Variants in PIGU observed in about 807,000 individuals in gnomAD.
PIGU encodes GPI-anchor transamidase component PIGU.
In PIGU, 24 loss-of-function variants were observed where a neutral mutation model predicts 49.9. The observed-to-expected ratio is 0.48, with a 90% confidence interval of 0.35 to 0.68. The LOEUF is 0.68. Ranked by LOEUF, PIGU falls within the 30% of genes least tolerant of loss-of-function variation. PIGU has a pLI of 0.01. For synonymous variants in PIGU, 220 were observed against 205.7 expected (o/e 1.07, Z -0.59); for missense variants, 490 against 532.6 (o/e 0.92, Z 0.79).
Position 34,644,218 on chromosome 20 carries a change from A to C in PIGU, c.264T>G (p.Asp88Glu). 1 of 1,605,908 alleles carries C rather than the reference A, an allele frequency of 6.2e-7. No homozygotes were observed. Among genetic ancestry groups the C allele is most frequent in the East Asian group, 2.2e-5 (1 of 44,808 alleles). The change falls in exon 4 of 12, where the codon GAT (aspartate) becomes GAG (glutamate). Residue 88 changes from aspartate to glutamate, a missense_variant. Coordinates refer to ENST00000217446, the MANE Select transcript of PIGU (RefSeq NM_080476.5). The part of the protein sequence containing the change: ...DYAELVFMIT[D>E]ALTAIALYFA... ...AATACAGGGCAATAGCAGTGAGTGC[A>C]TCAGTTATCTGTCAAAAGAAAGAGA... is the stretch of plus-strand genomic sequence containing the variant.
At chr20:34,666,501 T>C (rs1173208576) in intron 1 of PIGU, among the ~76,000 whole-genome samples, 1 of 151,304 alleles carries the variant, frequency 6.6e-6, no homozygotes, top group Non-Finnish European at 1.5e-5. Context: ...AACTAACCCA[T>C]GAAGCAAGCT....
chr20:34,594,818 C>T (rs191636007), intron 7 of PIGU, among the ~76,000 whole-genome samples: 11 of 152,116 alleles, frequency 7.2e-5, no homozygotes, highest in African/African-American at 1.2e-4. Flanking sequence ...ATAGGCTGGG[C>T]GCAGTGGCTC....
At chr20:34,625,957 A>AATAT (rs143479250) in intron 6 of PIGU, among the ~76,000 whole-genome samples, 19,300 of 145,594 alleles carry the variant, frequency 0.13, 1,462 homozygotes, top group Non-Finnish European at 0.18. Context: ...ACATATATAT[A>AATAT]ATATATATAT....
At chr20:34,664,755 C>G (rs1987032766) in intron 1 of PIGU, among the ~76,000 whole-genome samples, 1 of 151,966 alleles carries the variant, frequency 6.6e-6, no homozygotes. Context: ...TTTGAGAGGC[C>G]AAGGAGGGTA....
intron 7 of PIGU, among the ~76,000 whole-genome samples, chr20:34,589,751 G>C (rs1207327479): frequency 6.8e-6 from 1 of 147,288 alleles, no homozygotes; most frequent in Non-Finnish European, 1.5e-5. Flanking sequence ...CACCTCCCGG[G>C]TTCAAGGGAT....
intron 7 of PIGU, among the ~76,000 whole-genome samples, chr20:34,604,802 C>T (rs772743535): frequency 1.3e-5 from 2 of 152,188 alleles, no homozygotes; most frequent in East Asian, 1.9e-4. Flanking sequence ...ACAGGATTAA[C>T]GTTTTCAGTT....
chr20:34,659,226 C>A (rs1600667780), intron 1 of PIGU, among the ~76,000 whole-genome samples: 1 of 147,650 alleles, frequency 6.8e-6, no homozygotes, highest in African/African-American at 2.5e-5. Flanking sequence ...CCCCGCCCGG[C>A]CAGCCGCCCC....
At chr20:34,660,048 T>TTAAAAAAAA (rs1555803431) in intron 1 of PIGU, among the ~76,000 whole-genome samples, 1 of 41,400 alleles carries the variant, frequency 2.4e-5, no homozygotes, top group African/African-American at 7.6e-5. Flanking sequence ...GAATGATCAA[T>TTAAAAAAAA]AAAAAAAAAA....
At chr20:34,673,672 T>G (rs138081805) in intron 1 of PIGU, among the ~76,000 whole-genome samples, 168 of 152,356 alleles carry the variant, frequency 1.1e-3, no homozygotes, top group African/African-American at 3.8e-3. Flanking sequence ...TTTTTGGCTT[T>G]CATTATTGTG....
intron 6 of PIGU, among the ~76,000 whole-genome samples, chr20:34,622,499 A>G (rs1435665693): frequency 6.6e-6 from 1 of 152,104 alleles, no homozygotes; most frequent in Non-Finnish European, 1.5e-5. Flanking sequence ...CCTGGGAGAC[A>G]CAGCAAGAGT....
At chr20:34,664,705 T>C (rs1987031117) in intron 1 of PIGU, among the ~76,000 whole-genome samples, 1 of 137,332 alleles carries the variant, frequency 7.3e-6, no homozygotes, top group Non-Finnish European at 1.6e-5. Context: ...AAAAAAAGTA[T>C]ATGGCTGGGC....
chr20:34,568,632 G>A (rs541042430), intron 11 of PIGU, among the ~76,000 whole-genome samples: 1 of 152,274 alleles, frequency 6.6e-6, no homozygotes, highest in African/African-American at 2.4e-5. Context: ...TTCCCAGAAT[G>A]ACACACCAGG....
intron 1 of PIGU, among the ~76,000 whole-genome samples, chr20:34,670,979 A>G (rs943880064): frequency 1.3e-5 from 2 of 152,220 alleles, no homozygotes; most frequent in Admixed American, 6.5e-5. Context: ...AGACTAAAAC[A>G]TGGCAGAAAG....
chr20:34,631,341 T>C (rs1240554777), intron 6 of PIGU, among the ~76,000 whole-genome samples: 1 of 151,398 alleles, frequency 6.6e-6, no homozygotes, highest in East Asian at 2.0e-4. Flanking sequence ...AAATCCAACA[T>C]CCAATAAACA....
At chr20:34,609,251 T>C (rs1984726392) in intron 7 of PIGU, among the ~76,000 whole-genome samples, 1 of 152,200 alleles carries the variant, frequency 6.6e-6, no homozygotes, top group Non-Finnish European at 1.5e-5. Flanking sequence ...TAGGCTGCAG[T>C]GAGCCATGTT....
In PIGU at chr20:34,643,922, T is replaced by G. The variant is rs932401050; in HGVS notation, c.318+242A>C. The G allele has an allele frequency of 1.4e-4, 44 of 324,562 alleles. No individual in the cohort carries two copies. In the Admixed American group the frequency reaches 1.7e-3, roughly 12 times the overall value. The allele number at this position is 324,562 out of a possible 1,614,324, so 20.1% of individuals were successfully genotyped here. On this transcript the variant is annotated intron_variant, in intron 4 of 11. Transcript: ENST00000217446. ...CCAGAAGTCTGAACTTGCACAGGTA[T>G]GTGGATATTAATAGTTATTAATAAG...
Position 34,616,116 on chromosome 20 carries a change from A to G in PIGU, c.553T>C (p.Phe185Leu). 6.8e-6 allele frequency: 11 copies of G among 1,613,150 alleles called. No homozygotes were observed. The highest frequency in any genetic ancestry group is 9.3e-6 in the Non-Finnish European group (11 of 1,179,630). The change falls in exon 7 of 12, where the codon TTT (phenylalanine) becomes CTT (leucine). Residue 185 changes from phenylalanine to leucine, a missense_variant. Transcript: ENST00000217446. ...GACTGGTATGTCGCTAAGGCAAGAA[A>G]AATAGCACTGAGGAAAGCACTGCCT... ...IKGSAFLSAI[F>L]LALATYQSLY...
At chr20:34,661,663 G>A (rs142195258) in intron 1 of PIGU, among the ~76,000 whole-genome samples, 106 of 151,924 alleles carry the variant, frequency 7.0e-4, no homozygotes, top group African/African-American at 2.3e-3. Flanking sequence ...TGTGAATACT[G>A]CTGTGATGAA....
intron 7 of PIGU, among the ~76,000 whole-genome samples, chr20:34,590,611 CATA>C (rs1983920908): frequency 3.3e-5 from 5 of 151,462 alleles, no homozygotes; most frequent in Non-Finnish European, 7.4e-5. Flanking sequence ...CATAACATAA[CATA>C]ACATAACATA....
Sources: gnomAD v4.1 joint callset for allele counts (sites outside exome capture counted in the v4.1 genomes callset) on GRCh38, gnomAD v4.1.1 for gene constraint, MANE v1.5 for transcripts, NCBI Gene and HGNC (gene_info 2026-07-23, HGNC 2026-07-21) for gene names.